The following OTOA variants were observed in gnomAD, a reference collection of about 807,000 sequenced individuals.
OTOA encodes otoancorin, also known as cancer/testis antigen 108.
OTOA carries 70 observed loss-of-function variants against 110.8 expected under a neutral mutation model. That is an observed-to-expected ratio of 0.63 (90% CI 0.52 to 0.77). The LOEUF is 0.77. OTOA is among the 30% of genes least tolerant of loss of function. OTOA has a pLI of 0.00. For missense variants in OTOA, 917 were observed against 1,075.8 expected, an observed-to-expected ratio of 0.85 and a Z score of 2.06; for synonymous variants, 373 against 431.5, an observed-to-expected ratio of 0.86 and a Z score of 1.68.
In OTOA at chr16:21,695,893, T is replaced by TATATATA. The variant is rs1567372708; in HGVS notation, c.740-1882_740-1881insATATATA. ...TATATATATATATATATATATATAT[T>TATATATA]TTTTTTTTTTTTTTTTTCTGAGATG... On this transcript the variant is annotated intron_variant, in intron 9 of 28. Coordinates refer to ENST00000646100, the MANE Select transcript of OTOA (RefSeq NM_144672.4). Among the ~76,000 whole-genome samples, 270 of 62,652 alleles carry TATATATA rather than the reference T, an allele frequency of 4.3e-3. 1 individual carries two copies. The highest frequency in any genetic ancestry group is 5.7e-3 in the Non-Finnish European group (195 of 34,224). 41.1% of individuals were successfully genotyped at this position (62,652 alleles called of 152,430 possible).
chr16:21,680,437 G>A (rs1376389921), intron 5 of OTOA, among the ~76,000 whole-genome samples: 2 of 151,846 alleles, frequency 1.3e-5, no homozygotes, highest in African/African-American at 4.8e-5. Flanking sequence ...TCACTTGAAC[G>A]CGGGAGGCTG....
At chr16:21,728,125 A>G (rs1898982461) in intron 19 of OTOA, 116 bp from the exon 20 acceptor site, 3 of 1,319,672 alleles carry the variant, frequency 2.3e-6, no homozygotes, top group Non-Finnish European at 2.2e-6. Context: ...TCGGCCTCCC[A>G]GAGTGCTGGG....
chr16:21,730,762 G>C, intron 20 of OTOA, 75 bp from the exon 21 acceptor site: 3 of 940,086 alleles, frequency 3.2e-6, no homozygotes, highest in Non-Finnish European at 5.1e-6. Flanking sequence ...TGAAAGAAAA[G>C]GGTGCTGGGG....
chr16:21,719,212 C>T, intron 16 of OTOA, 21 bp downstream of exon 16: 6 of 1,613,994 alleles, frequency 3.7e-6, no homozygotes, highest in Middle Eastern at 1.7e-4. Context: ...GTAACTCGGC[C>T]TGGGTGCTGA....
Position 21,705,292 on chromosome 16 carries a change from G to A in OTOA, c.1104G>A (p.Lys368=). 6.2e-7 allele frequency: 1 copy of A among 1,613,692 alleles called. No homozygotes were observed. The highest frequency in any genetic ancestry group is 8.5e-7 in the Non-Finnish European group (1 of 1,180,000). The part of the protein sequence containing the change: ...HLRGFQAGVQ[K]LKAELLDIAM... ...GGGGCTTCCAGGCTGGCGTCCAGAA[G>A]GTACAGCTGGGGTGCAAGGCCCTGA... Residue 368 remains lysine (K), a splice_region_variant and synonymous_variant, in exon 12 of 29, where the codon AAG becomes AAA. Coordinates refer to ENST00000646100, the MANE Select transcript of OTOA (RefSeq NM_144672.4).
intron 21 of OTOA, 55 bp downstream of exon 21, chr16:21,730,985 T>A: frequency 9.7e-7 from 1 of 1,034,804 alleles, no homozygotes. Flanking sequence ...GGAGAGAAAG[T>A]GTGGTCAGTT....
chr16:21,759,148 C>A (rs72640476), intron 28 of OTOA, among the ~76,000 whole-genome samples: 21,524 of 151,394 alleles, frequency 0.14, 2,021 homozygotes, highest in South Asian at 0.27. Context: ...ATAAAGTCTG[C>A]AAGGCATGTG....
At chr16:21,714,365 CTTT>C in intron 13 of OTOA, among the ~76,000 whole-genome samples, 1 of 124,762 alleles carries the variant, frequency 8.0e-6, no homozygotes, top group Non-Finnish European at 1.8e-5. Context: ...TTCTCTCTTT[CTTT>C]CTCTCTCTTT....
chr16:21,712,226 C>G (rs1288046919), intron 13 of OTOA, among the ~76,000 whole-genome samples: 3 of 151,818 alleles, frequency 2.0e-5, no homozygotes, highest in Admixed American at 6.6e-5. Flanking sequence ...ACTTGGAAGG[C>G]CGAAGCAGAA....
chr16:21,686,344 A>C (rs932791753), intron 7 of OTOA, among the ~76,000 whole-genome samples: 2 of 151,108 alleles, frequency 1.3e-5, no homozygotes, highest in Non-Finnish European at 2.9e-5. Context: ...GCTGGAGTGC[A>C]GTGGTATAAT....
chr16:21,695,889 A>ATTTTTTTTTTTTTTTTTTT (rs1213474615), intron 9 of OTOA, among the ~76,000 whole-genome samples: 1 of 63,654 alleles, frequency 1.6e-5, no homozygotes, highest in Admixed American at 2.1e-4. Context: ...ATATATATAT[A>ATTTTTTTTTTTTTTTTTTT]TATTTTTTTT....
chr16:21,701,277 A>G (rs1488833769), intron 11 of OTOA, among the ~76,000 whole-genome samples: 1 of 152,180 alleles, frequency 6.6e-6, no homozygotes, highest in African/African-American at 2.4e-5. Flanking sequence ...ATGCAACCTT[A>G]TCAAGTGCTA....
chr16:21,685,444 T>G (rs1379192694), intron 7 of OTOA, 83 bp downstream of exon 7: 2 of 1,568,432 alleles, frequency 1.3e-6, no homozygotes, highest in East Asian at 4.6e-5. Context: ...GAGCCTGACT[T>G]AGGCCTTGGC....
Position 21,685,289 on chromosome 16 carries a change from C to T in OTOA, c.327C>T (p.Asp109=), listed in dbSNP as rs1184358879. The T allele has an allele frequency of 5.6e-6, 9 of 1,613,182 alleles. No homozygotes were observed. Among genetic ancestry groups the T allele is most frequent in the Non-Finnish European group, 7.6e-6 (9 of 1,179,326 alleles). ...RLHQPQKLLE[D]LRKTDAQQFR... is the part of the protein sequence containing the mutation. ...ACCAGCCCCAGAAGCTGCTGGAGGA[C>T]CTGAGGAAGACAGACGCCCAGCAGT... The change falls in exon 7 of 29, where the codon GAC becomes GAT. Residue 109 remains aspartate (D), a synonymous_variant. Transcript: ENST00000646100.
At position 21,667,652 on chromosome 16, in the gene OTOA, A is replaced by C. The variant is rs1354483588; in HGVS notation, c.-5+3420A>C. Among the ~76,000 whole-genome samples, 8 of 152,064 alleles carry C rather than the reference A, an allele frequency of 5.3e-5. 1 individual carries two copies. The East Asian group carries it at 1.5e-3, about 29-fold the overall frequency. On this transcript the variant is annotated intron_variant, in intron 1 of 28. Coordinates refer to ENST00000646100, the MANE Select transcript of OTOA (RefSeq NM_144672.4). Reference sequence around the variant, plus strand: ...ACATAAAATAAAAGAAGGGCTGGCAAGCTTTTTCAGTAAGGGAACATGGAA... The same window carrying C: ...ACATAAAATAAAAGAAGGGCTGGCACGCTTTTTCAGTAAGGGAACATGGAA...
chr16:21,670,896 G>A (rs563366506), intron 1 of OTOA, among the ~76,000 whole-genome samples: 17 of 152,230 alleles, frequency 1.1e-4, no homozygotes, highest in South Asian at 2.1e-4. Context: ...CCTCTGGGCC[G>A]AGGAACAGCC....
chr16:21,687,958 C>G (rs1897753392), intron 8 of OTOA, among the ~76,000 whole-genome samples: 1 of 152,058 alleles, frequency 6.6e-6, no homozygotes, highest in Non-Finnish European at 1.5e-5. Context: ...GCCACTGCAC[C>G]CAGCCACTCC....
intron 17 of OTOA, 58 bp downstream of exon 17, chr16:21,719,562 C>G: frequency 6.9e-7 from 1 of 1,453,338 alleles, no homozygotes; most frequent in Non-Finnish European, 9.7e-7. Flanking sequence ...GTCACTGGGC[C>G]TGGATTGGCT....
intron 9 of OTOA, among the ~76,000 whole-genome samples, chr16:21,692,860 G>C (rs2141666776): frequency 6.7e-6 from 1 of 149,302 alleles, no homozygotes; most frequent in African/African-American, 2.5e-5. Context: ...CCCAGGAGGT[G>C]GAGGTTACAG....
Sources: gnomAD v4.1 joint callset for allele counts (sites outside exome capture counted in the v4.1 genomes callset) on GRCh38, gnomAD v4.1.1 for gene constraint, MANE v1.5 for transcripts, NCBI Gene and HGNC (gene_info 2026-07-23, HGNC 2026-07-21) for gene names.